OLFM3: variants seen among roughly 807,000 people sequenced by gnomAD.
OLFM3 encodes the protein olfactomedin 3.
In OLFM3, 20 loss-of-function variants were observed where a neutral mutation model predicts 48.6. The observed-to-expected ratio is 0.41, with a 90% CI of 0.29 to 0.60. The LOEUF is 0.60. Ranked by LOEUF, OLFM3 falls within the 20% of genes least tolerant of loss-of-function variation. OLFM3 has a pLI of 0.28. For missense variants in OLFM3, 437 were observed against 544.3 expected (o/e 0.80, Z 1.96); for synonymous variants, 222 against 198.1 (o/e 1.12, Z -1.01).
intron 1 of OLFM3, among the ~76,000 whole-genome samples, chr1:101,945,991 C>T (rs1659952706): frequency 6.6e-6 from 1 of 152,102 alleles, no homozygotes; most frequent in African/African-American, 2.4e-5. Context: ...AAAATGGAAT[C>T]ATGTGCCAAA....
intron 1 of OLFM3, among the ~76,000 whole-genome samples, chr1:101,908,973 G>C (rs1465776241): frequency 6.6e-6 from 1 of 152,226 alleles, no homozygotes; most frequent in Non-Finnish European, 1.5e-5. Flanking sequence ...AACCCACTAA[G>C]CTTGTGATAA....
chr1:101,921,537 T>A (rs185948966), intron 1 of OLFM3, among the ~76,000 whole-genome samples: 40 of 152,214 alleles, frequency 2.6e-4, no homozygotes, highest in African/African-American at 8.9e-4. Context: ...TGGAGAAGCT[T>A]GGCTTGAGTA....
chr1:101,952,636 TA>T (rs1445548776), intron 1 of OLFM3, among the ~76,000 whole-genome samples: 1 of 152,082 alleles, frequency 6.6e-6, no homozygotes, highest in African/African-American at 2.4e-5. Flanking sequence ...ATCTTTTTTC[TA>T]AAAATATTAT....
At chr1:101,914,130 A>G (rs980281070) in intron 1 of OLFM3, among the ~76,000 whole-genome samples, 2 of 152,178 alleles carry the variant, frequency 1.3e-5, no homozygotes, top group East Asian at 3.8e-4. Flanking sequence ...TTAATTATAT[A>G]AACCTTAAAA....
chr1:101,852,760 C>T (rs1346550474), intron 1 of OLFM3, among the ~76,000 whole-genome samples: 1 of 152,120 alleles, frequency 6.6e-6, no homozygotes, highest in Non-Finnish European at 1.5e-5. Flanking sequence ...TTCCTGCAAT[C>T]TTCCCATTTC....
intron 1 of OLFM3, among the ~76,000 whole-genome samples, chr1:101,899,701 T>C (rs539150009): frequency 1.3e-5 from 2 of 152,294 alleles, no homozygotes; most frequent in East Asian, 3.9e-4. Context: ...TTCTAAACAT[T>C]CTTATGTAAG....
intron 1 of OLFM3, among the ~76,000 whole-genome samples, chr1:101,960,338 G>GCTCTTTAGAAGAAAGT (rs1660430585): frequency 6.6e-6 from 1 of 152,200 alleles, no homozygotes; most frequent in Non-Finnish European, 1.5e-5. Flanking sequence ...CTCTTTAGAT[G>GCTCTTTAGAAGAAAGT]CACTCTGCAG....
At chr1:101,865,446 C>A (rs796611476) in intron 1 of OLFM3, among the ~76,000 whole-genome samples, 18 of 152,216 alleles carry the variant, frequency 1.2e-4, no homozygotes, top group African/African-American at 3.6e-4. Flanking sequence ...CACTGCAGAC[C>A]CCTAGGCATT....
intron 1 of OLFM3, among the ~76,000 whole-genome samples, chr1:101,886,945 T>G (rs1483033923): frequency 1.3e-5 from 2 of 152,118 alleles, no homozygotes; most frequent in Non-Finnish European, 2.9e-5. Flanking sequence ...TCCTATGGAC[T>G]ACCCTCAGTT....
rs140627802 is a variant in OLFM3, at chr1:101,940,564, A to G, written c.69+56184T>C. ...CTATGTATCTATCTATCTATCATCTATCTACATTTGTGCTACAGCAAGTCC... is the reference window on the plus strand; with the variant it reads ...CTATGTATCTATCTATCTATCATCTGTCTACATTTGTGCTACAGCAAGTCC... On this transcript the variant is annotated intron_variant, in intron 1 of 5. Transcript: ENST00000370103. 2.4e-4 allele frequency among the ~76,000 whole-genome samples: 37 copies of G among 151,718 alleles called. No homozygotes were observed. The East Asian group carries it at 7.2e-3, about 29-fold the overall frequency.
At chr1:101,860,119 G>T (rs111500543) in intron 1 of OLFM3, among the ~76,000 whole-genome samples, 1 of 152,032 alleles carries the variant, frequency 6.6e-6, no homozygotes, top group Non-Finnish European at 1.5e-5. Flanking sequence ...GGCCAGCTAT[G>T]TAAGAGAAGT....
At chr1:101,884,472 A>G (rs1657663299) in intron 1 of OLFM3, among the ~76,000 whole-genome samples, 1 of 151,876 alleles carries the variant, frequency 6.6e-6, no homozygotes, top group Non-Finnish European at 1.5e-5. Flanking sequence ...TAAGTGCCCT[A>G]TTCTGAAAAA....
At chr1:101,884,777 T>G (rs1056746592) in intron 1 of OLFM3, among the ~76,000 whole-genome samples, 1 of 151,984 alleles carries the variant, frequency 6.6e-6, no homozygotes, top group African/African-American at 2.4e-5. Flanking sequence ...AGGAAGTACA[T>G]TGTTAGTAAG....
intron 1 of OLFM3, among the ~76,000 whole-genome samples, chr1:101,945,452 A>G (rs955229004): frequency 6.6e-6 from 1 of 152,184 alleles, no homozygotes; most frequent in Non-Finnish European, 1.5e-5. Flanking sequence ...TAGAAAATAT[A>G]AACTAATTAT....
At chr1:101,841,899 T>C (rs1655738914) in intron 1 of OLFM3, among the ~76,000 whole-genome samples, 1 of 152,214 alleles carries the variant, frequency 6.6e-6, no homozygotes, top group Non-Finnish European at 1.5e-5. Flanking sequence ...TGGAGATACC[T>C]GAGTGATGAA....
chr1:101,966,995 T>C (rs112599312), intron 1 of OLFM3, among the ~76,000 whole-genome samples: 25 of 152,326 alleles, frequency 1.6e-4, no homozygotes, highest in African/African-American at 5.3e-4. Flanking sequence ...ATTAGCATTT[T>C]ATTTCTCTAC....
At position 101,830,117 on chromosome 1, in the gene OLFM3, C is replaced by T. The variant is rs544311435; in HGVS notation, c.372+555G>A. ...CCTCCCAAAGTGCTAGGATTACAGG[C>T]GTGAGCCACCACGCCCGGCCGAGTT... On this transcript the variant is annotated intron_variant, in intron 3 of 5. Coordinates refer to ENST00000370103, the MANE Select transcript of OLFM3 (RefSeq NM_058170.4). 3.1e-3 allele frequency among the ~76,000 whole-genome samples: 469 copies of T among 152,196 alleles called. 1 individual carries two copies. Among genetic ancestry groups the T allele is most frequent in the African/African-American group, 0.01 (428 of 41,536 alleles).
chr1:101,892,158 T>C (rs186808525), intron 1 of OLFM3, among the ~76,000 whole-genome samples: 3 of 152,166 alleles, frequency 2.0e-5, no homozygotes, highest in Admixed American at 6.6e-5. Context: ...TGTTAATAAA[T>C]GATTCTGCAA....
intron 1 of OLFM3, among the ~76,000 whole-genome samples, chr1:101,844,253 T>A (rs1174439390): frequency 6.6e-6 from 1 of 152,166 alleles, no homozygotes; most frequent in Non-Finnish European, 1.5e-5. Flanking sequence ...GGAATGGTTA[T>A]GACATAATTG....
Sources: gnomAD v4.1 joint callset for allele counts (sites outside exome capture counted in the v4.1 genomes callset) on GRCh38, gnomAD v4.1.1 for gene constraint, MANE v1.5 for transcripts, NCBI Gene and HGNC (gene_info 2026-07-23, HGNC 2026-07-21) for gene names.